Variants in NFASC observed in about 807,000 individuals in gnomAD.
NFASC encodes the protein neurofascin.
Under a neutral mutation model 147.5 loss-of-function variants are expected in NFASC, and 43 were observed. That is an observed-to-expected ratio of 0.29 (90% CI 0.23 to 0.38). The LOEUF (loss-of-function observed/expected upper bound fraction) is 0.38. NFASC is among the 10% of genes least tolerant of loss of function. The pLI, the probability that NFASC is intolerant of heterozygous loss-of-function variation, is 1.00. For missense variants in NFASC, 1,320 were observed against 1,689.0 expected (o/e 0.78, Z 3.83); for synonymous variants, 622 against 665.5 (o/e 0.93, Z 1.01).
At chr1:204,913,311 T>C (rs1433891579) in intron 1 of NFASC, among the ~76,000 whole-genome samples, 1 of 152,132 alleles carries the variant, frequency 6.6e-6, no homozygotes, top group East Asian at 1.9e-4. Flanking sequence ...AAAAATATCA[T>C]TTGATTTTCT....
intron 1 of NFASC, among the ~76,000 whole-genome samples, chr1:204,916,777 T>C (rs1448181321): frequency 6.6e-6 from 1 of 152,132 alleles, no homozygotes; most frequent in East Asian, 1.9e-4. Context: ...TTTGCCATGT[T>C]GCCCAGGCTG....
chr1:204,843,103 A>G (rs553444105), intron 1 of NFASC, among the ~76,000 whole-genome samples: 1 of 152,256 alleles, frequency 6.6e-6, no homozygotes, highest in Non-Finnish European at 1.5e-5. Context: ...GAGAGCTTTT[A>G]TATGGCACCA....
At chr1:204,877,045 ATATAATATATTTAT>A (rs2079094669) in intron 1 of NFASC, among the ~76,000 whole-genome samples, 2 of 102,768 alleles carry the variant, frequency 1.9e-5, no homozygotes, top group African/African-American at 1.2e-4. Context: ...ATTTATATAT[ATATAATATATTTAT>A]TTATATATTT....
At chr1:204,864,202 T>TGA (rs1306703459) in intron 1 of NFASC, among the ~76,000 whole-genome samples, 1 of 152,248 alleles carries the variant, frequency 6.6e-6, no homozygotes, top group Non-Finnish European at 1.5e-5. Flanking sequence ...AACTTCATTC[T>TGA]TTTTTATTGC....
At chr1:204,988,455 C>T (rs1007034980) in intron 22 of NFASC, among the ~76,000 whole-genome samples, 178 bp from the exon 23 acceptor site, 5 of 152,180 alleles carry the variant, frequency 3.3e-5, no homozygotes, top group East Asian at 1.9e-4. Context: ...TCAAAGAGCC[C>T]GGAGGGAGTT....
chr1:204,913,434 A>G (rs1013868636), intron 1 of NFASC, among the ~76,000 whole-genome samples: 1 of 152,216 alleles, frequency 6.6e-6, no homozygotes, highest in African/African-American at 2.4e-5. Context: ...TACAGTAATT[A>G]ATACGGTATG....
intron 10 of NFASC, among the ~76,000 whole-genome samples, chr1:204,969,683 A>C (rs1254340962): frequency 6.6e-6 from 1 of 152,226 alleles, no homozygotes; most frequent in Non-Finnish European, 1.5e-5. Flanking sequence ...GGTGAGTATC[A>C]AGATTGTTGA....
chr1:204,983,888 T>C (rs1458738677), intron 21 of NFASC: 1 of 621,246 alleles, frequency 1.6e-6, no homozygotes, highest in Non-Finnish European at 3.0e-6. Flanking sequence ...AAGTACTGTC[T>C]CATGGAGGAG....
At chr1:204,895,742 G>A (rs946081630) in intron 1 of NFASC, among the ~76,000 whole-genome samples, 12 of 152,122 alleles carry the variant, frequency 7.9e-5, no homozygotes, top group Admixed American at 7.2e-4. Flanking sequence ...ATACCACATT[G>A]TTACTTTTCA....
chr1:204,964,581 T>C (rs2094847723), intron 8 of NFASC, among the ~76,000 whole-genome samples: 1 of 152,172 alleles, frequency 6.6e-6, no homozygotes, highest in Non-Finnish European at 1.5e-5. Context: ...ACAGGAGAAA[T>C]TTCCTGGTAC....
chr1:204,988,949 C>T (rs545794361), intron 23 of NFASC, 143 bp downstream of exon 23: 1 of 737,212 alleles, frequency 1.4e-6, no homozygotes, highest in African/African-American at 1.8e-5. Context: ...GGTGAGAACC[C>T]ATCTTATGTG....
intron 1 of NFASC, among the ~76,000 whole-genome samples, chr1:204,883,188 G>A (rs1410623569): frequency 6.6e-6 from 1 of 152,204 alleles, no homozygotes; most frequent in African/African-American, 2.4e-5. Context: ...TTATGTGAAT[G>A]CAGAGAAGCT....
chr1:204,847,545 C>T (rs67020185), intron 1 of NFASC, among the ~76,000 whole-genome samples: 31,425 of 152,102 alleles, frequency 0.21, 4,828 homozygotes, highest in East Asian at 0.53. Flanking sequence ...TGACTTGCTC[C>T]GACTACAGAG....
chr1:204,962,526 GAA>G (rs958755058), intron 8 of NFASC, among the ~76,000 whole-genome samples: 2 of 150,346 alleles, frequency 1.3e-5, no homozygotes, highest in African/African-American at 5.0e-5. Context: ...ATAGTGAAGA[GAA>G]AACAGGAAGT....
chr1:204,987,260 GGTC>G lies in NFASC; in HGVS notation c.2471-154_2471-152del. 1.5e-6 allele frequency: 1 copy of G among 668,686 alleles called. No homozygotes were observed. Among genetic ancestry groups the G allele is most frequent in the East Asian group, 2.7e-5 (1 of 36,656 alleles). 41.4% of individuals were successfully genotyped at this position (668,686 alleles called of 1,614,324 possible). On this transcript the variant is annotated intron_variant, in intron 21 of 29. Coordinates refer to ENST00000339876, the MANE Select transcript of NFASC (RefSeq NM_001005388.3). The surrounding 1 kb of genome is among the most constrained non-coding windows in gnomAD (Gnocchi z 4.4). ...CATCCTGGATGGGGCAATGGGCTCCGGTCGTCTCACGGTTCTCCCAGGCTTCAG... is the reference window on the plus strand; with the variant it reads ...CATCCTGGATGGGGCAATGGGCTCCGGTCTCACGGTTCTCCCAGGCTTCAG...
intron 26 of NFASC, 145 bp downstream of exon 26, chr1:205,001,431 T>C (rs770999641): frequency 2.8e-5 from 18 of 638,190 alleles, no homozygotes; most frequent in Non-Finnish European, 4.9e-5. Context: ...CTTAATGAAA[T>C]CGATATGCAC....
intron 8 of NFASC, among the ~76,000 whole-genome samples, chr1:204,964,310 A>G (rs1466129827): frequency 6.6e-6 from 1 of 152,250 alleles, no homozygotes; most frequent in Non-Finnish European, 1.5e-5. Context: ...AGTGTTACCC[A>G]TTACTGGTTT....
chr1:204,957,931 G>A, intron 8 of NFASC, 105 bp downstream of exon 8: 3 of 1,053,586 alleles, frequency 2.8e-6, no homozygotes, highest in South Asian at 2.9e-5. Context: ...TGTCCTTGAG[G>A]CTGACCTAGA....
chr1:204,970,616 C>G lies in NFASC; in HGVS notation c.1004C>G (p.Ala335Gly). ...IRHTISVRVK[A>G]APYWLDEPKN... The stretch of plus-strand genomic sequence containing the variant: ...TGCCTGTGTCTGTCTTGTCTTCCAG[C>G]TGCTCCCTACTGGCTGGACGAACCC... The change falls in exon 11 of 30, where the codon GCT becomes GGT. Residue 335 changes from alanine to glycine, a missense_variant and splice_region_variant. Around this residue, in one of 3 missense-constraint regions of NFASC, gnomAD observed 981 missense variants for 1,289.5 expected, o/e 0.76. Coordinates refer to ENST00000339876, the MANE Select transcript of NFASC (RefSeq NM_001005388.3). The G allele has an allele frequency of 6.2e-7, 1 of 1,613,840 alleles. No homozygotes were observed. Among genetic ancestry groups the G allele is most frequent in the Non-Finnish European group, 8.5e-7 (1 of 1,180,036 alleles).
Sources: gnomAD v4.1 joint callset for allele counts (sites outside exome capture counted in the v4.1 genomes callset) on GRCh38, gnomAD v4.1.1 for gene constraint, gnomAD v4.1.1 regional missense constraint, Gnocchi (gnomAD v3.1) non-coding constraint, MANE v1.5 for transcripts, NCBI Gene and HGNC (gene_info 2026-07-23, HGNC 2026-07-21) for gene names.